GINS2: variants seen among roughly 807,000 people sequenced by gnomAD.
The protein encoded by GINS2 is GINS complex subunit 2.
A neutral mutation model predicts 21.2 loss-of-function variants in GINS2; 23 were observed. The ratio of observed to expected loss-of-function variants is 1.08; its 90% CI spans 0.78 to 1.53. The LOEUF is 1.53. GINS2 is among the 40% of genes most tolerant of loss of function. The pLI is 0.00. For missense variants in GINS2, 323 were observed against 233.9 expected, an observed-to-expected ratio of 1.38 and a Z score of -2.49; for synonymous variants, 118 against 85.6, an observed-to-expected ratio of 1.38 and a Z score of -2.09.
At chr16:85,682,098 C>T (rs900995284) in intron 2 of GINS2, among the ~76,000 whole-genome samples, 2 of 140,062 alleles carry the variant, frequency 1.4e-5, no homozygotes, top group African/African-American at 5.5e-5. Flanking sequence ...ACCATCACAG[C>T]TCACTGCAGC....
At chr16:85,687,409 C>T in intron 2 of GINS2, 51 bp downstream of exon 2, 2 of 1,135,604 alleles carry the variant, frequency 1.8e-6, no homozygotes, top group Non-Finnish European at 1.2e-6. Context: ...GAGGGCGTCA[C>T]CCCAAGCCCA....
chr16:85,678,160 C>G lies in GINS2; in HGVS notation c.*52G>C. 6 of 1,573,978 alleles carry G rather than the reference C, an allele frequency of 3.8e-6. No homozygotes were observed. The highest frequency in any genetic ancestry group is 4.3e-6 in the Non-Finnish European group (5 of 1,151,562). ...AGCTCCAGAACCACGAGTACCTCAT[C>G]ACGTCCTGAGCGCTCACATCCCCCA... On this transcript the variant is annotated 3_prime_UTR_variant, in exon 5 of 5. Coordinates refer to ENST00000253462, the MANE Select transcript of GINS2 (RefSeq NM_016095.3).
At chr16:85,686,437 A>T (rs1380607973) in intron 2 of GINS2, among the ~76,000 whole-genome samples, 1 of 151,786 alleles carries the variant, frequency 6.6e-6, no homozygotes, top group Non-Finnish European at 1.5e-5. Flanking sequence ...AAAAAAGTAT[A>T]CAAGTTTTAG....
Position 85,688,799 on chromosome 16 carries a change from C to G in GINS2, c.90+10G>C. 6.0e-6 allele frequency: 9 copies of G among 1,508,580 alleles called. No individual in the cohort carries two copies. In the South Asian group the frequency reaches 1.1e-4, roughly 19 times the overall value. The allele number at this position is 1,508,580 out of a possible 1,614,324, so 93.4% of individuals were successfully genotyped here. On this transcript the variant is annotated intron_variant, in intron 1 of 4. Coordinates refer to ENST00000253462, the MANE Select transcript of GINS2 (RefSeq NM_016095.3). ...CGGCCTCCCCTCCCCACGGCGGGCCCAGGCCTCACCCCGATGAGGTAGATC... is the reference window on the plus strand; with the variant it reads ...CGGCCTCCCCTCCCCACGGCGGGCCGAGGCCTCACCCCGATGAGGTAGATC...
rs1035486481 is a variant in GINS2, at chr16:85,677,155, G to C, written c.*1057C>G. 2 of 152,084 alleles carry C rather than the reference G, an allele frequency of 1.3e-5. No homozygotes were observed. The highest frequency in any genetic ancestry group is 2.9e-5 in the Non-Finnish European group (2 of 68,032). 9.4% of individuals were successfully genotyped at this position (152,084 alleles called of 1,614,324 possible). A position where few individuals can be genotyped will look rare whatever the true frequency, so the allele number is the denominator to read the frequency against. ...CAAAGTGCTGGGATTACATGCATGAGCCAAGCCAATGTGCCCGGCCAAAAA... is the reference window on the plus strand; with the variant it reads ...CAAAGTGCTGGGATTACATGCATGACCCAAGCCAATGTGCCCGGCCAAAAA... On this transcript the variant is annotated 3_prime_UTR_variant, in exon 5 of 5. Transcript: ENST00000253462.
chr16:85,686,239 C>T (rs1239414593), intron 2 of GINS2, among the ~76,000 whole-genome samples: 1 of 152,022 alleles, frequency 6.6e-6, no homozygotes, highest in Non-Finnish European at 1.5e-5. Flanking sequence ...ACGGTGAAAC[C>T]CAGTCTCTAC....
intron 2 of GINS2, 40 bp downstream of exon 2, chr16:85,687,420 G>T: frequency 1.6e-6 from 2 of 1,253,514 alleles, no homozygotes; most frequent in South Asian, 1.6e-5. Context: ...CCCAAGCCCA[G>T]CCCCACCCAC....
chr16:85,688,521 G>C (rs2152053560), intron 1 of GINS2, among the ~76,000 whole-genome samples: 1 of 152,342 alleles, frequency 6.6e-6, no homozygotes, highest in East Asian at 1.9e-4. Context: ...ACTCCAGCCT[G>C]GGCGACAGAG....
Position 85,688,920 on chromosome 16 carries a change from G to C in GINS2, c.-22C>G, listed in dbSNP as rs773454554. On this transcript the variant is annotated 5_prime_UTR_variant, in exon 1 of 5. Transcript: ENST00000253462. ...CCATGGCGGCGCGAGCTGCAGGCCA[G>C]AGCCTCACGGTCTCCTCGGGCCCCT... 2.1e-5 allele frequency: 31 copies of C among 1,512,072 alleles called. No homozygotes were observed. The highest frequency in any genetic ancestry group is 2.5e-5 in the East Asian group (1 of 39,260). The allele number at this position is 1,512,072 out of a possible 1,614,324, so 93.7% of individuals were successfully genotyped here.
chr16:85,678,386 G>A, intron 4 of GINS2, 49 bp from the exon 5 acceptor site: 1 of 1,601,408 alleles, frequency 6.2e-7, no homozygotes, highest in Non-Finnish European at 8.5e-7. Flanking sequence ...TTGATTTTGA[G>A]AAAAAGGTAA....
At chr16:85,678,364 G>C in intron 4 of GINS2, 27 bp from the exon 5 acceptor site, 1 of 1,611,586 alleles carries the variant, frequency 6.2e-7, no homozygotes, top group Non-Finnish European at 8.5e-7. Flanking sequence ...GACCAAGTTG[G>C]CCAAGGAGTT....
intron 3 of GINS2, 107 bp from the exon 4 acceptor site, chr16:85,678,773 G>C (rs1490295761): frequency 1.8e-6 from 2 of 1,090,534 alleles, no homozygotes; most frequent in East Asian, 2.4e-5. Context: ...TCCAGACTCA[G>C]AAAGTCTGTT....
In GINS2 at chr16:85,678,218, G is replaced by A. The variant is rs754172141; in HGVS notation, c.552C>T (p.Asp184=). 4 of 1,613,340 alleles carry A rather than the reference G, an allele frequency of 2.5e-6. No individual in the cohort carries two copies. In the South Asian group the frequency reaches 3.3e-5, roughly 13 times the overall value. ...LQPLESTQSQ[D]F The stretch of plus-strand genomic sequence containing the variant: ...GCCTGCACCAGGCCTTTCTCTAGAA[G>A]TCCTGAGACTGAGTACTCTCCAGAG... Residue 184 remains aspartate (D), a synonymous_variant, in exon 5 of 5, where the codon GAC becomes GAT. Transcript: ENST00000253462.
intron 1 of GINS2, among the ~76,000 whole-genome samples, chr16:85,688,285 C>T (rs2053795743): frequency 1.3e-5 from 2 of 151,980 alleles, no homozygotes; most frequent in African/African-American, 4.8e-5. Flanking sequence ...CAGTGGCTCC[C>T]GCCTGTCATC....
intron 4 of GINS2, 42 bp downstream of exon 4, chr16:85,678,498 G>A (rs1403613040): frequency 6.2e-6 from 10 of 1,601,956 alleles, no homozygotes; most frequent in Non-Finnish European, 8.5e-6. Flanking sequence ...GTGAAATTAT[G>A]CGGCATCAAG....
At chr16:85,688,290 G>C (rs561757583) in intron 1 of GINS2, among the ~76,000 whole-genome samples, 71 of 152,248 alleles carry the variant, frequency 4.7e-4, no homozygotes, top group African/African-American at 1.2e-3. Flanking sequence ...GCTCCCGCCT[G>C]TCATCCCAGC....
intron 2 of GINS2, among the ~76,000 whole-genome samples, chr16:85,684,960 G>C (rs1456539308): frequency 2.0e-5 from 3 of 152,054 alleles, no homozygotes; most frequent in East Asian, 1.9e-4. Context: ...GCTAATTTTT[G>C]TATTTTTTAG....
intron 2 of GINS2, among the ~76,000 whole-genome samples, chr16:85,682,650 C>T (rs1480833699): frequency 6.6e-6 from 1 of 152,078 alleles, no homozygotes; most frequent in Non-Finnish European, 1.5e-5. Context: ...GGAGGCATGA[C>T]ATCCTAGAGG....
chr16:85,680,366 G>T (rs2053721260), intron 3 of GINS2, among the ~76,000 whole-genome samples: 1 of 152,216 alleles, frequency 6.6e-6, no homozygotes, highest in African/African-American at 2.4e-5. Context: ...GCATGCAGTA[G>T]TACTAGTGTC....
Sources: allele counts gnomAD v4.1 joint callset (sites outside exome capture counted in the v4.1 genomes callset), GRCh38; gene constraint gnomAD v4.1.1; transcripts MANE v1.5; gene names NCBI Gene and HGNC (gene_info 2026-07-23, HGNC 2026-07-21).